The following ADARB1 variants were observed in gnomAD, a reference collection of about 807,000 sequenced individuals.
ADARB1 encodes the protein adenosine deaminase RNA specific B1, also known as double-stranded RNA-specific editase 1.
A neutral mutation model predicts 52.4 loss-of-function variants in ADARB1; 10 were observed. The observed-to-expected ratio is 0.19, with a 90% CI of 0.12 to 0.32. The LOEUF (loss-of-function observed/expected upper bound fraction) is 0.32. Ranked by LOEUF, ADARB1 falls within the 10% of genes least tolerant of loss-of-function variation. The pLI is 1.00. For missense variants in ADARB1, 643 were observed against 922.3 expected, an observed-to-expected ratio of 0.70 and a Z score of 3.92; for synonymous variants, 349 against 371.1, an observed-to-expected ratio of 0.94 and a Z score of 0.68.
rs555830617 is a variant in ADARB1 at position 45,225,283 on chromosome 21, C to T, written c.*3086C>T. On this transcript the variant is annotated 3_prime_UTR_variant, in exon 11 of 11. Transcript: ENST00000348831. ...CCTCAGCTCTCATCACCTGGTCGTA[C>T]GCCAGGCCCACCTCTTCCCAGCAAG... The T allele has an allele frequency of 7.9e-5, 92 of 1,168,748 alleles. No homozygotes were observed. Among genetic ancestry groups the T allele is most frequent in the Non-Finnish European group, 9.0e-5 (85 of 948,278 alleles). 72.4% of individuals were successfully genotyped at this position (1,168,748 alleles called of 1,614,324 possible). A position where few individuals can be genotyped will look rare whatever the true frequency, so the allele number is the denominator to read the frequency against.
At chr21:45,083,884 A>G (rs1326562524) in intron 1 of ADARB1, among the ~76,000 whole-genome samples, 2 of 152,154 alleles carry the variant, frequency 1.3e-5, no homozygotes, top group Non-Finnish European at 2.9e-5. Flanking sequence ...TATTTTTTGT[A>G]GAGACGGGGT....
At chr21:45,117,524 T>G (rs2087898312) in intron 1 of ADARB1, among the ~76,000 whole-genome samples, 1 of 152,098 alleles carries the variant, frequency 6.6e-6, no homozygotes. Flanking sequence ...GTACAGGTAG[T>G]GCCGTTCTCT....
intron 1 of ADARB1, among the ~76,000 whole-genome samples, chr21:45,083,701 TTTTG>T (rs2123640990): frequency 6.6e-6 from 1 of 152,266 alleles, no homozygotes; most frequent in South Asian, 2.1e-4. Flanking sequence ...TACACATCTT[TTTTG>T]TTTTTTTGCG....
chr21:45,135,043 T>C (rs1363739233), intron 2 of ADARB1, among the ~76,000 whole-genome samples: 1 of 152,118 alleles, frequency 6.6e-6, no homozygotes, highest in Non-Finnish European at 1.5e-5. Context: ...TAAGGAGTTA[T>C]AAAACAAACA....
At chr21:45,161,489 A>C (rs1315582636) in intron 2 of ADARB1, among the ~76,000 whole-genome samples, 1 of 152,212 alleles carries the variant, frequency 6.6e-6, no homozygotes, top group Non-Finnish European at 1.5e-5. Context: ...CTGACATGCC[A>C]GCACCCTGCT....
At chr21:45,114,749 CT>C (rs2087737256) in intron 1 of ADARB1, among the ~76,000 whole-genome samples, 1 of 152,190 alleles carries the variant, frequency 6.6e-6, no homozygotes, top group Admixed American at 6.5e-5. Flanking sequence ...GTGCTGAGTT[CT>C]TTTTCTGCAT....
chr21:45,138,777 T>C (rs1306243895), intron 2 of ADARB1, among the ~76,000 whole-genome samples: 1 of 152,148 alleles, frequency 6.6e-6, no homozygotes, highest in Non-Finnish European at 1.5e-5. Flanking sequence ...CTGGTCATCC[T>C]AGAGACTGAG....
chr21:45,170,493 A>G (rs1286146022), intron 2 of ADARB1, among the ~76,000 whole-genome samples: 3 of 152,132 alleles, frequency 2.0e-5, no homozygotes, highest in Non-Finnish European at 4.4e-5. Flanking sequence ...CTAAAGAGAA[A>G]CTCATTTAAC....
At chr21:45,169,773 G>A (rs901161520) in intron 2 of ADARB1, among the ~76,000 whole-genome samples, 3 of 152,194 alleles carry the variant, frequency 2.0e-5, no homozygotes, top group South Asian at 2.1e-4. Flanking sequence ...TCTGAGAAGC[G>A]CCTTGCCATC....
At position 45,128,858 on chromosome 21, in the gene ADARB1, T is replaced by A. The variant is rs1011467648; in HGVS notation, c.-48+285T>A. On this transcript the variant is annotated intron_variant, in intron 2 of 10. Coordinates refer to ENST00000348831, the MANE Select transcript of ADARB1 (RefSeq NM_001112.4). This position sits in a 1 kb window ranked among gnomAD's most constrained non-coding sequence, Gnocchi z 4.6. ...GCATGTGTGGCACTTGCTGCCCTCT[T>A]TGGGGTCAGTTCACCATTTATTGAG... Among the ~76,000 whole-genome samples the A allele has an allele frequency of 1.3e-5, 2 of 152,182 alleles. No homozygotes were observed. The highest frequency in any genetic ancestry group is 2.9e-5 in the Non-Finnish European group (2 of 68,014).
At chr21:45,133,116 C>T (rs1048518252) in intron 2 of ADARB1, among the ~76,000 whole-genome samples, 2 of 152,210 alleles carry the variant, frequency 1.3e-5, no homozygotes, top group Non-Finnish European at 2.9e-5. Flanking sequence ...GGACAGTTGT[C>T]GAAGGGGTGT....
At chr21:45,140,665 G>A (rs561157261) in intron 2 of ADARB1, among the ~76,000 whole-genome samples, 36 of 152,228 alleles carry the variant, frequency 2.4e-4, no homozygotes, top group African/African-American at 7.2e-4. Flanking sequence ...TCCAGTGTGC[G>A]TCCAGAAGCC....
Position 45,140,025 on chromosome 21 carries a change from C to A in ADARB1, c.-48+11452C>A, listed in dbSNP as rs1479013131. ...ATGGCATGATCTCTACTCACTGCAA[C>A]CTCTGCCTTCCAGGCTCAAGCGATT... On this transcript the variant is annotated intron_variant, in intron 2 of 10. Transcript: ENST00000348831. Among the ~76,000 whole-genome samples the A allele has an allele frequency of 2.1e-5, 3 of 141,250 alleles. No homozygotes were observed. The Admixed American group carries it at 2.3e-4, about 11-fold the overall frequency. The allele number at this position is 141,250 out of a possible 152,430, so 92.7% of individuals were successfully genotyped here.
chr21:45,159,501 A>G (rs17004743), intron 2 of ADARB1, among the ~76,000 whole-genome samples: 12,389 of 152,210 alleles, frequency 0.081, 606 homozygotes, highest in East Asian at 0.15. Flanking sequence ...TTTTCTTCCA[A>G]TTCGTAGTAC....
At chr21:45,152,928 G>A (rs150890269) in intron 2 of ADARB1, among the ~76,000 whole-genome samples, 2 of 152,210 alleles carry the variant, frequency 1.3e-5, no homozygotes, top group African/African-American at 4.8e-5. Flanking sequence ...AACATGAATA[G>A]AAATCATTTA....
chr21:45,115,158 T>G (rs1275344445), intron 1 of ADARB1, among the ~76,000 whole-genome samples: 2 of 152,202 alleles, frequency 1.3e-5, no homozygotes, highest in Non-Finnish European at 2.9e-5. Context: ...AGTCTATTCC[T>G]TTACCCCAGA....
At chr21:45,185,205 G>A (rs2092061747) in intron 8 of ADARB1, 114 bp downstream of exon 8, 2 of 1,339,980 alleles carry the variant, frequency 1.5e-6, no homozygotes, top group Non-Finnish European at 2.1e-6. Flanking sequence ...TCCCACTCAG[G>A]TGTTCCACAG....
At chr21:45,165,769 T>C (rs2091228771) in intron 2 of ADARB1, among the ~76,000 whole-genome samples, 1 of 152,188 alleles carries the variant, frequency 6.6e-6, no homozygotes, top group Non-Finnish European at 1.5e-5. Flanking sequence ...AGCTTTGGAA[T>C]GCTGCTTGAT....
intron 1 of ADARB1, among the ~76,000 whole-genome samples, chr21:45,084,086 G>A (rs1366727929): frequency 6.6e-6 from 1 of 152,236 alleles, no homozygotes; most frequent in East Asian, 1.9e-4. Context: ...TGTAATCCCA[G>A]CCCTGCTTCT....
Sources: allele counts gnomAD v4.1 joint callset (sites outside exome capture counted in the v4.1 genomes callset), GRCh38; gene constraint gnomAD v4.1.1; non-coding constraint Gnocchi (gnomAD v3.1); transcripts MANE v1.5; gene names NCBI Gene and HGNC (gene_info 2026-07-23, HGNC 2026-07-21).